SEPTIN9: variants seen among roughly 807,000 people sequenced by gnomAD.
The protein encoded by SEPTIN9 is septin 9, also known as septin-9.
SEPTIN9 carries 13 observed loss-of-function variants against 56.6 expected under a neutral mutation model. That is an observed-to-expected ratio of 0.23 (90% CI 0.15 to 0.37). The LOEUF is 0.37. Ranked by LOEUF, SEPTIN9 falls within the 10% of genes least tolerant of loss-of-function variation. The probability of loss-of-function intolerance (pLI) is 1.00; values close to 1 mark genes in which losing one functional copy is unlikely to be tolerated. For missense variants in SEPTIN9, 650 were observed against 823.1 expected (o/e 0.79, Z 2.57); for synonymous variants, 332 against 334.1 (o/e 0.99, Z 0.07).
intron 2 of SEPTIN9, among the ~76,000 whole-genome samples, chr17:77,355,205 C>T (rs1056132875): frequency 8.6e-5 from 13 of 151,782 alleles, no homozygotes; most frequent in African/African-American, 3.1e-4. Flanking sequence ...ATTCCGTGGC[C>T]CAGCATCTCC....
chr17:77,422,648 C>T (rs575222724), intron 3 of SEPTIN9, among the ~76,000 whole-genome samples: 9 of 152,330 alleles, frequency 5.9e-5, no homozygotes, highest in East Asian at 1.9e-4. Context: ...ATGGTCACCT[C>T]GGATGGTGCA....
chr17:77,343,280 A>G (rs1350971164), intron 2 of SEPTIN9, among the ~76,000 whole-genome samples: 4 of 152,118 alleles, frequency 2.6e-5, no homozygotes, highest in Non-Finnish European at 5.9e-5. Context: ...TTGATCATCA[A>G]TGGCCAAAGA....
In SEPTIN9 at chr17:77,492,740, G is replaced by T; in HGVS notation, c.1476+24G>T. On this transcript the variant is annotated intron_variant, in intron 9 of 11. Coordinates refer to ENST00000427177, the MANE Select transcript of SEPTIN9 (RefSeq NM_001113491.2). The surrounding 1 kb of genome is among the most constrained non-coding windows in gnomAD (Gnocchi z 5.4). ...GGGTGAGTGGATCCACTAGGATGTTGTTCCCAGGGGACCCCCAGTTCCTGC... is the reference window on the plus strand; with the variant it reads ...GGGTGAGTGGATCCACTAGGATGTTTTTCCCAGGGGACCCCCAGTTCCTGC... 1 of 1,598,060 alleles carries T rather than the reference G, an allele frequency of 6.3e-7. No individual in the cohort carries two copies. Among genetic ancestry groups the T allele is most frequent in the Non-Finnish European group, 8.6e-7 (1 of 1,165,446 alleles).
chr17:77,414,642 A>G (rs1047662325), intron 3 of SEPTIN9, among the ~76,000 whole-genome samples: 1 of 146,158 alleles, frequency 6.8e-6, no homozygotes, highest in Non-Finnish European at 1.5e-5. Flanking sequence ...CAATGGCTCA[A>G]TCTCTGCTCA....
chr17:77,483,779 G>A (rs1683705012), intron 4 of SEPTIN9: 1 of 152,246 alleles, frequency 6.6e-6, no homozygotes, highest in Non-Finnish European at 1.5e-5. Flanking sequence ...CACTTCACCT[G>A]TCTGGGCCTC....
Position 77,492,836 on chromosome 17 carries a change from G to A in SEPTIN9, c.1476+120G>A, listed in dbSNP as rs2040088420. ...TATTCTTGGGGCCAGAGGGCACTGA[G>A]CCCAGGTGTCTGTACCCAGTGCTGT... On this transcript the variant is annotated intron_variant, in intron 9 of 11. Transcript: ENST00000427177. The surrounding 1 kb of genome is among the most constrained non-coding windows in gnomAD (Gnocchi z 5.4). The A allele has an allele frequency of 5.7e-6, 7 of 1,223,480 alleles. No individual in the cohort carries two copies. The highest frequency in any genetic ancestry group is 2.3e-5 in the East Asian group (1 of 42,876). The allele number at this position is 1,223,480 out of a possible 1,614,324, so 75.8% of individuals were successfully genotyped here. A position where few individuals can be genotyped will look rare whatever the true frequency, so the allele number is the denominator to read the frequency against.
chr17:77,342,000 G>A (rs1414072852), intron 2 of SEPTIN9, among the ~76,000 whole-genome samples: 1 of 148,656 alleles, frequency 6.7e-6, no homozygotes. Flanking sequence ...GGAGAATGGC[G>A]TGAACCCGGG....
At position 77,388,984 on chromosome 17, in the gene SEPTIN9, G is replaced by A. The variant is rs75581100; in HGVS notation, c.77-13075G>A. ...GGAACAGACAAGGGAGAGCTTGTCC[G>A]GGAGGCTGGACCCTCACACCGATGC... is the stretch of plus-strand genomic sequence containing the variant. On this transcript the variant is annotated intron_variant, in intron 2 of 11. Coordinates refer to ENST00000427177, the MANE Select transcript of SEPTIN9 (RefSeq NM_001113491.2). 5.7e-3 allele frequency among the ~76,000 whole-genome samples: 861 copies of A among 152,092 alleles called. 9 individuals carry two copies. Among genetic ancestry groups the A allele is most frequent in the African/African-American group, 0.02 (821 of 41,464 alleles).
Position 77,492,996 on chromosome 17 carries a change from C to A in SEPTIN9, c.1493C>A (p.Ala498Asp). 6.4e-7 allele frequency: 1 copy of A among 1,566,934 alleles called. No individual in the cohort carries two copies. Among genetic ancestry groups the A allele is most frequent in the Non-Finnish European group, 8.6e-7 (1 of 1,156,118 alleles). ...GTTCCCCAGGAGATGATCCCATTTG[C>A]TGTGGTGGGCAGTGACCACGAGTAC... is the stretch of plus-strand genomic sequence containing the variant. ...NEKFREMIPF[A>D]VVGSDHEYQV... Residue 498 changes from alanine to aspartate, a missense_variant, in exon 10 of 12, where the codon GCT becomes GAT. Physicochemically the swap from Ala to Asp is moderately radical, Grantham distance 126 (BLOSUM62 -2). Transcript: ENST00000427177. This position sits in a 1 kb window ranked among gnomAD's most constrained non-coding sequence, Gnocchi z 5.4.
intron 1 of SEPTIN9, among the ~76,000 whole-genome samples, chr17:77,292,258 C>G (rs979100290): frequency 1.3e-5 from 2 of 152,232 alleles, no homozygotes; most frequent in African/African-American, 4.8e-5. Flanking sequence ...TTTTGTTCCT[C>G]TTGCCTCAGT....
chr17:77,373,642 AG>A, intron 2 of SEPTIN9: 1 of 1,498,478 alleles, frequency 6.7e-7, no homozygotes, highest in Non-Finnish European at 8.9e-7. Context: ...CGCTGAGGGG[AG>A]ACGGGAGTGC....
At chr17:77,308,561 C>G (rs1286876564) in intron 2 of SEPTIN9, among the ~76,000 whole-genome samples, 1 of 152,262 alleles carries the variant, frequency 6.6e-6, no homozygotes, top group South Asian at 2.1e-4. Context: ...TTACTTTATT[C>G]ACTCATTTAC....
intron 2 of SEPTIN9, among the ~76,000 whole-genome samples, chr17:77,316,704 C>CTT (rs775155993): frequency 1.5e-5 from 2 of 137,920 alleles, no homozygotes; most frequent in Non-Finnish European, 3.2e-5. Context: ...TCTTCCTCTT[C>CTT]TTTTTTTTTT....
At chr17:77,478,020 G>A (rs2039296820) in intron 3 of SEPTIN9, among the ~76,000 whole-genome samples, 1 of 151,978 alleles carries the variant, frequency 6.6e-6, no homozygotes, top group African/African-American at 2.4e-5. Flanking sequence ...TTTGGGGGGG[G>A]TCACAGGTGT....
At chr17:77,354,733 A>G (rs1399532452) in intron 2 of SEPTIN9, among the ~76,000 whole-genome samples, 2 of 152,082 alleles carry the variant, frequency 1.3e-5, no homozygotes, top group Admixed American at 6.6e-5. Flanking sequence ...CCCCCAGCGC[A>G]GGCGCGAAGC....
At chr17:77,289,458 G>A (rs1394909646) in intron 1 of SEPTIN9, among the ~76,000 whole-genome samples, 1 of 145,822 alleles carries the variant, frequency 6.9e-6, no homozygotes, top group Non-Finnish European at 1.5e-5. Context: ...GCCCAGGCTG[G>A]AGTGCAAAGG....
chr17:77,404,993 G>A (rs2036016002), intron 3 of SEPTIN9: 16 of 1,256,868 alleles, frequency 1.3e-5, no homozygotes, highest in South Asian at 2.8e-5. Flanking sequence ...TTGACGTGCC[G>A]GATACACCCC....
chr17:77,339,559 G>C (rs944081361), intron 2 of SEPTIN9, among the ~76,000 whole-genome samples: 1 of 151,560 alleles, frequency 6.6e-6, no homozygotes, highest in African/African-American at 2.4e-5. Context: ...ACCCAGAATG[G>C]AATGCGGTGG....
At chr17:77,411,942 C>T (rs1243968113) in intron 3 of SEPTIN9, among the ~76,000 whole-genome samples, 1 of 151,524 alleles carries the variant, frequency 6.6e-6, no homozygotes, top group African/African-American at 2.4e-5. Flanking sequence ...CCAGCCTGGC[C>T]AACATGGTGA....
Sources: gnomAD v4.1 joint callset for allele counts (sites outside exome capture counted in the v4.1 genomes callset) on GRCh38, gnomAD v4.1.1 for gene constraint, Gnocchi (gnomAD v3.1) non-coding constraint, MANE v1.5 for transcripts, NCBI Gene and HGNC (gene_info 2026-07-23, HGNC 2026-07-21) for gene names.